Variants in FTO observed in about 807,000 individuals in gnomAD.
FTO encodes FTO alpha-ketoglutarate dependent dioxygenase, also known as alpha-ketoglutarate-dependent dioxygenase FTO.
A neutral mutation model predicts 63.9 loss-of-function variants in FTO; 47 were observed. That is an observed-to-expected ratio of 0.74 (90% CI 0.58 to 0.94). The LOEUF is 0.94. FTO is among the 40% of genes least tolerant of loss of function. FTO has a pLI of 0.00. For missense variants in FTO, 562 were observed against 618.1 expected, an observed-to-expected ratio of 0.91 and a Z score of 0.96; for synonymous variants, 207 against 224.4, an observed-to-expected ratio of 0.92 and a Z score of 0.69.
At chr16:53,808,298 C>T (rs2078424369) in intron 1 of FTO, among the ~76,000 whole-genome samples, 1 of 151,560 alleles carries the variant, frequency 6.6e-6, no homozygotes. Context: ...TGGGCCACTA[C>T]ACTTCAGCCT....
chr16:53,910,707 C>T (rs548725220), intron 7 of FTO, among the ~76,000 whole-genome samples: 20 of 151,986 alleles, frequency 1.3e-4, no homozygotes, highest in Non-Finnish European at 1.9e-4. Flanking sequence ...GGCTAATTTT[C>T]GTAATTTTAG....
chr16:54,106,804 C>T (rs1446111690), intron 8 of FTO, among the ~76,000 whole-genome samples: 1 of 133,598 alleles, frequency 7.5e-6, no homozygotes, highest in Non-Finnish European at 1.5e-5. Flanking sequence ...TATATAATTA[C>T]ATATTATATA....
At chr16:53,982,284 C>T (rs2083564609) in intron 8 of FTO, among the ~76,000 whole-genome samples, 1 of 152,116 alleles carries the variant, frequency 6.6e-6, no homozygotes, top group South Asian at 2.1e-4. Context: ...TCCAATACAC[C>T]TCTTTTCTTT....
intron 8 of FTO, among the ~76,000 whole-genome samples, chr16:53,945,435 G>A (rs1018152372): frequency 6.6e-6 from 1 of 152,196 alleles, no homozygotes; most frequent in African/African-American, 2.4e-5. Context: ...AGACGGCCCA[G>A]GTTGGCCAAG....
At chr16:54,104,617 G>T (rs953503356) in intron 8 of FTO, among the ~76,000 whole-genome samples, 21 of 152,130 alleles carry the variant, frequency 1.4e-4, no homozygotes, top group African/African-American at 5.1e-4. Flanking sequence ...GGCTCCTGAG[G>T]CCTCTTAAGC....
intron 1 of FTO, among the ~76,000 whole-genome samples, chr16:53,803,645 G>GT (rs2078284789): frequency 6.6e-6 from 1 of 152,110 alleles, no homozygotes; most frequent in Non-Finnish European, 1.5e-5. Flanking sequence ...GGTGTAGTGG[G>GT]TGTGGCCTTG....
At position 53,820,305 on chromosome 16, in the gene FTO, G is replaced by A. The variant is rs1030158734; in HGVS notation, c.124-5559G>A. 1.4e-4 allele frequency among the ~76,000 whole-genome samples: 22 copies of A among 152,088 alleles called. 1 individual carries two copies. Among genetic ancestry groups the A allele is most frequent in the African/African-American group, 5.3e-4 (22 of 41,484 alleles). On this transcript the variant is annotated intron_variant, in intron 2 of 8. Transcript: ENST00000471389. ...ATTACAGGTGTAAGCCACCGCTCCA[G>A]GCCACTAGTACTATCTTCTTTTAGG...
chr16:53,918,311 T>A (rs1171098614), intron 7 of FTO, among the ~76,000 whole-genome samples: 1 of 152,194 alleles, frequency 6.6e-6, no homozygotes, highest in Non-Finnish European at 1.5e-5. Flanking sequence ...GTGTAGTCTG[T>A]TGCCCCCAGG....
At chr16:53,806,487 C>T (rs2078371222) in intron 1 of FTO, among the ~76,000 whole-genome samples, 1 of 152,058 alleles carries the variant, frequency 6.6e-6, no homozygotes, top group South Asian at 2.1e-4. Flanking sequence ...GAGTTTTGTG[C>T]CTTGCTTTTT....
At position 54,019,083 on chromosome 16, in the gene FTO, C is replaced by A. The variant is rs190505583; in HGVS notation, c.1364+84974C>A. Among the ~76,000 whole-genome samples the A allele has an allele frequency of 2.8e-3, 419 of 152,274 alleles. 1 individual carries two copies. The highest frequency in any genetic ancestry group is 9.8e-3 in the African/African-American group (408 of 41,564). Reference sequence around the variant, plus strand: ...CCTCATGCTGGCCTCCTTTGGGCTTCAAATGCCTACAGTAGCTCCAGGCAC... The same window carrying A: ...CCTCATGCTGGCCTCCTTTGGGCTTAAAATGCCTACAGTAGCTCCAGGCAC... On this transcript the variant is annotated intron_variant, in intron 8 of 8. Transcript: ENST00000471389.
intron 2 of FTO, among the ~76,000 whole-genome samples, chr16:53,812,564 C>A (rs767854387): frequency 9.2e-5 from 14 of 152,162 alleles, no homozygotes; most frequent in Non-Finnish European, 2.1e-4. Context: ...CTTCCCTTAT[C>A]CTCTGTACTT....
intron 5 of FTO, 28 bp from the exon 6 acceptor site, chr16:53,879,816 A>T (rs200227202): frequency 1.2e-6 from 2 of 1,613,240 alleles, no homozygotes; most frequent in South Asian, 2.2e-5. Context: ...TTTGCCCATA[A>T]TTGTGATTGC....
intron 2 of FTO, among the ~76,000 whole-genome samples, chr16:53,824,806 A>T (rs1175191102): frequency 1.3e-5 from 2 of 152,204 alleles, no homozygotes; most frequent in African/African-American, 4.8e-5. Context: ...AATCAGATCA[A>T]ACGTTACAGA....
intron 7 of FTO, among the ~76,000 whole-genome samples, chr16:53,916,100 A>G (rs1401335270): frequency 6.6e-6 from 1 of 152,186 alleles, no homozygotes; most frequent in Non-Finnish European, 1.5e-5. Context: ...GCATCTATTT[A>G]TATCAAGGTG....
At chr16:54,014,002 T>C (rs76259131) in intron 8 of FTO, among the ~76,000 whole-genome samples, 230 of 152,318 alleles carry the variant, frequency 1.5e-3, no homozygotes, top group African/African-American at 5.5e-3. Flanking sequence ...GACTTGAAGC[T>C]TGTTTACTTT....
intron 7 of FTO, among the ~76,000 whole-genome samples, chr16:53,917,599 G>T (rs1040980972): frequency 6.6e-6 from 1 of 150,902 alleles, no homozygotes; most frequent in Non-Finnish European, 1.5e-5. Flanking sequence ...GGTAGTCATT[G>T]TGATGGGTTT....
chr16:53,782,112 G>A (rs978240144), intron 1 of FTO, among the ~76,000 whole-genome samples: 1 of 152,066 alleles, frequency 6.6e-6, no homozygotes, highest in Non-Finnish European at 1.5e-5. Flanking sequence ...AATTTCATGG[G>A]GTTCATGAAG....
At chr16:53,931,958 G>C (rs1361792548) in intron 7 of FTO, among the ~76,000 whole-genome samples, 2 of 151,928 alleles carry the variant, frequency 1.3e-5, no homozygotes, top group African/African-American at 4.8e-5. Context: ...TCTAGCATCA[G>C]TGAGCCAGCT....
At chr16:53,922,166 CATT>C (rs1195175870) in intron 7 of FTO, among the ~76,000 whole-genome samples, 2 of 152,148 alleles carry the variant, frequency 1.3e-5, no homozygotes, top group South Asian at 4.1e-4. Flanking sequence ...ATTCCCATAT[CATT>C]GAGTCAGTTT....
Sources: gnomAD v4.1 joint callset for allele counts (sites outside exome capture counted in the v4.1 genomes callset) on GRCh38, gnomAD v4.1.1 for gene constraint, MANE v1.5 for transcripts, NCBI Gene and HGNC (gene_info 2026-07-23, HGNC 2026-07-21) for gene names.